The following NXN variants were observed in gnomAD, a reference collection of about 807,000 sequenced individuals.
The protein encoded by NXN is nucleoredoxin 1.
Under a neutral mutation model 48.6 loss-of-function variants are expected in NXN, and 16 were observed. The observed-to-expected ratio is 0.33, with a 90% CI of 0.22 to 0.50. The LOEUF is 0.50. Ranked by LOEUF, NXN falls within the 20% of genes least tolerant of loss-of-function variation. NXN has a pLI of 0.98. For missense variants in NXN, 492 were observed against 605.5 expected, an observed-to-expected ratio of 0.81 and a Z score of 1.97; for synonymous variants, 281 against 269.6, an observed-to-expected ratio of 1.04 and a Z score of -0.41.
intron 1 of NXN, among the ~76,000 whole-genome samples, chr17:901,658 T>A (rs1347181987): frequency 1.3e-5 from 2 of 152,190 alleles, no homozygotes; most frequent in Non-Finnish European, 1.5e-5. Flanking sequence ...CCATAAACAC[T>A]CAGCCTGAAA....
intron 6 of NXN, among the ~76,000 whole-genome samples, chr17:804,147 C>A (rs900422539): frequency 1.3e-5 from 2 of 152,168 alleles, no homozygotes; most frequent in Admixed American, 1.3e-4. Flanking sequence ...GGACCTGAGG[C>A]GCCTGCTAGT....
At chr17:939,776 T>G (rs9912012) in intron 1 of NXN, among the ~76,000 whole-genome samples, 1 of 152,036 alleles carries the variant, frequency 6.6e-6, no homozygotes, top group African/African-American at 2.4e-5. Flanking sequence ...GGAACATCCA[T>G]GCTTCTAGCT....
intron 4 of NXN, among the ~76,000 whole-genome samples, 154 bp downstream of exon 4, chr17:822,203 C>T (rs1244293016): frequency 6.6e-6 from 1 of 151,962 alleles, no homozygotes; most frequent in Non-Finnish European, 1.5e-5. Flanking sequence ...CGCTTGAACC[C>T]AGGAGGTGGA....
chr17:947,604 G>A (rs1165944357), intron 1 of NXN, among the ~76,000 whole-genome samples: 3 of 151,840 alleles, frequency 2.0e-5, no homozygotes, highest in Non-Finnish European at 2.9e-5. Flanking sequence ...GTGGTGGCAC[G>A]TGCCTGTAAT....
intron 5 of NXN, among the ~76,000 whole-genome samples, chr17:813,539 G>A (rs377650291): frequency 8.5e-5 from 13 of 152,358 alleles, no homozygotes; most frequent in East Asian, 5.8e-4. Flanking sequence ...TCCTTAATAC[G>A]TGAGCATCTT....
chr17:974,364 GATATAT>G (rs142776512), intron 1 of NXN, among the ~76,000 whole-genome samples: 1 of 150,760 alleles, frequency 6.6e-6, no homozygotes, highest in Admixed American at 6.6e-5. Context: ...AAAGTATATA[GATATAT>G]ATATATAGAT....
intron 1 of NXN, among the ~76,000 whole-genome samples, chr17:910,167 T>C (rs376894742): frequency 4.6e-5 from 7 of 152,114 alleles, no homozygotes; most frequent in South Asian, 2.1e-4. Context: ...ATCCCAGCAG[T>C]TGGGGAGGCC....
At chr17:921,649 A>C (rs2068751461) in intron 1 of NXN, among the ~76,000 whole-genome samples, 1 of 151,322 alleles carries the variant, frequency 6.6e-6, no homozygotes, top group African/African-American at 2.4e-5. Context: ...CTGCCCCTGG[A>C]CAACACCTGG....
rs570857065 is a variant in NXN at position 844,331 on chromosome 17, T to C, written c.361-18253A>G. ...CGTCCTGCCCTCCTTAGCTGGAAGG[T>C]GGAGACCAGGCCATCATACGTCCCG... On this transcript the variant is annotated intron_variant, in intron 1 of 7. Coordinates refer to ENST00000336868, the MANE Select transcript of NXN (RefSeq NM_022463.5). Among the ~76,000 whole-genome samples, 1,198 of 140,746 alleles carry C rather than the reference T, an allele frequency of 8.5e-3. 22 individuals are homozygous for C. The highest frequency in any genetic ancestry group is 0.031 in the African/African-American group (1,147 of 37,506). 92.3% of individuals were successfully genotyped at this position (140,746 alleles called of 152,430 possible). A position where few individuals can be genotyped will look rare whatever the true frequency, so the allele number is the denominator to read the frequency against.
chr17:879,279 T>G (rs1419336421), intron 1 of NXN, among the ~76,000 whole-genome samples: 5 of 147,618 alleles, frequency 3.4e-5, no homozygotes, highest in Non-Finnish European at 6.0e-5. Context: ...GTTTGGTTTT[T>G]GGTTTTTGGT....
At chr17:839,469 A>G (rs1483372220) in intron 1 of NXN, among the ~76,000 whole-genome samples, 1 of 151,564 alleles carries the variant, frequency 6.6e-6, no homozygotes, top group Non-Finnish European at 1.5e-5. Flanking sequence ...AAAACATAGG[A>G]AGTGTTCAAA....
chr17:882,362 T>A (rs964196009), intron 1 of NXN, among the ~76,000 whole-genome samples: 1 of 152,150 alleles, frequency 6.6e-6, no homozygotes, highest in African/African-American at 2.4e-5. Context: ...GCTTCTCTCT[T>A]CCTCATTTCT....
intron 1 of NXN, among the ~76,000 whole-genome samples, chr17:877,437 C>T (rs1480822384): frequency 2.0e-5 from 3 of 152,304 alleles, no homozygotes; most frequent in South Asian, 2.1e-4. Flanking sequence ...TGAGCCACCG[C>T]GCCCGGCCGC....
intron 1 of NXN, among the ~76,000 whole-genome samples, chr17:832,338 C>T (rs1445264319): frequency 6.8e-6 from 1 of 146,724 alleles, no homozygotes; most frequent in Non-Finnish European, 1.5e-5. Flanking sequence ...CCACCACACC[C>T]AGCTACTATT....
At chr17:841,362 C>A (rs1307868416) in intron 1 of NXN, among the ~76,000 whole-genome samples, 1 of 149,576 alleles carries the variant, frequency 6.7e-6, no homozygotes, top group East Asian at 1.9e-4. Flanking sequence ...GGCTGGGACC[C>A]AGAGCAGCCC....
chr17:805,762 C>T lies in NXN; in HGVS notation c.821-515G>A, dbSNP rs533810750. 1.2e-4 allele frequency among the ~76,000 whole-genome samples: 19 copies of T among 152,230 alleles called. No individual in the cohort carries two copies. The East Asian group carries it at 1.7e-3, about 14-fold the overall frequency. On this transcript the variant is annotated intron_variant, in intron 5 of 7. Transcript: ENST00000336868. ...CTGAGGCAGGAGAATCGCTCGAACT[C>T]GGGAGGTGGAGGTTGCAGTGAGCCA...
At chr17:940,681 C>A (rs1203801990) in intron 1 of NXN, among the ~76,000 whole-genome samples, 1 of 151,598 alleles carries the variant, frequency 6.6e-6, no homozygotes. Context: ...TTACAGTGAA[C>A]AAGATTCCAG....
At chr17:864,485 G>A (rs1456076886) in intron 1 of NXN, among the ~76,000 whole-genome samples, 2 of 152,214 alleles carry the variant, frequency 1.3e-5, no homozygotes, top group Non-Finnish European at 2.9e-5. Flanking sequence ...ACAGAATCGA[G>A]GAACAAAGTG....
At chr17:959,491 G>GAT in intron 1 of NXN, 1 of 43,914 alleles carries the variant, frequency 2.3e-5, no homozygotes, top group Non-Finnish European at 9.2e-5. Flanking sequence ...CTTCAGAAGT[G>GAT]AGAAAAAAAA....
Sources: allele counts gnomAD v4.1 joint callset (sites outside exome capture counted in the v4.1 genomes callset), GRCh38; gene constraint gnomAD v4.1.1; transcripts MANE v1.5; gene names NCBI Gene and HGNC (gene_info 2026-07-23, HGNC 2026-07-21).